RYK: variants seen among roughly 807,000 people sequenced by gnomAD.
RYK encodes the protein receptor like tyrosine kinase, also known as inactive tyrosine-protein kinase RYK.
Under a neutral mutation model 70.2 loss-of-function variants are expected in RYK, and 21 were observed. That is an observed-to-expected ratio of 0.30 (90% CI 0.21 to 0.43). The LOEUF (loss-of-function observed/expected upper bound fraction) is 0.43. RYK is among the 20% of genes least tolerant of loss of function. The pLI is 1.00. For synonymous variants in RYK, 267 were observed against 278.0 expected, an observed-to-expected ratio of 0.96 and a Z score of 0.39; for missense variants, 604 against 753.3, an observed-to-expected ratio of 0.80 and a Z score of 2.32.
chr3:134,206,339 A>AAACC (rs2014212116), intron 5 of RYK, among the ~76,000 whole-genome samples: 1 of 152,228 alleles, frequency 6.6e-6, no homozygotes, highest in Admixed American at 6.5e-5. Flanking sequence ...ACAAACAAAC[A>AAACC]AACATGTTCA....
chr3:134,183,021 G>T lies in RYK; in HGVS notation c.1153C>A (p.Leu385Met), dbSNP rs760303222. 1 of 1,589,370 alleles carries T rather than the reference G, an allele frequency of 6.3e-7. No individual in the cohort carries two copies. Among genetic ancestry groups the T allele is most frequent in the East Asian group, 2.3e-5 (1 of 44,228 alleles). Residue 385 changes from leucine (L) to methionine (M), a missense_variant, in exon 10 of 15, where the codon CTG becomes ATG. Leu to Met is a conservative substitution (Grantham distance 15). Transcript: ENST00000623711. ...VTMMLTESCK[L>M]RGLHHRNLLP... ...TCTCACCTGTGATGAAGACCTCGCA[G>T]CTTACAACTTTCAGTGAGCATCATT...
intron 2 of RYK, among the ~76,000 whole-genome samples, chr3:134,212,934 A>G (rs2014444521): frequency 6.6e-6 from 1 of 151,682 alleles, no homozygotes; most frequent in Non-Finnish European, 1.5e-5. Context: ...CAGTTAAGAT[A>G]GGTACGTAAA....
chr3:134,232,687 G>A (rs4505670), intron 1 of RYK, among the ~76,000 whole-genome samples: 12,590 of 152,130 alleles, frequency 0.083, 1,099 homozygotes, highest in South Asian at 0.32. Context: ...AGTTTGAAAA[G>A]GCTTGAAAGA....
intron 3 of RYK, 114 bp from the exon 4 acceptor site, chr3:134,209,943 AAAGT>A: frequency 1.2e-6 from 1 of 813,834 alleles, no homozygotes; most frequent in Non-Finnish European, 1.9e-6. Context: ...AAGAAAACTA[AAAGT>A]AATACATTTA....
intron 1 of RYK, among the ~76,000 whole-genome samples, chr3:134,238,221 A>G (rs1461851612): frequency 6.6e-6 from 1 of 152,220 alleles, no homozygotes; most frequent in Non-Finnish European, 1.5e-5. Flanking sequence ...ATAAGCATGT[A>G]AATCTTCAAT....
intron 1 of RYK, among the ~76,000 whole-genome samples, chr3:134,241,222 G>T (rs544141820): frequency 6.7e-6 from 1 of 149,416 alleles, no homozygotes; most frequent in Non-Finnish European, 1.5e-5. Flanking sequence ...GGTGGTGCAC[G>T]CCTGTAGTCC....
chr3:134,241,873 T>C (rs1314378288), intron 1 of RYK, among the ~76,000 whole-genome samples: 2 of 152,218 alleles, frequency 1.3e-5, no homozygotes, highest in African/African-American at 4.8e-5. Flanking sequence ...ACCGACTTCC[T>C]ATGGTTGATA....
intron 13 of RYK, among the ~76,000 whole-genome samples, chr3:134,164,575 G>A (rs1047969374): frequency 5.9e-5 from 9 of 152,198 alleles, no homozygotes; most frequent in African/African-American, 2.2e-4. Context: ...CTGTGATGTA[G>A]CATGTACCAA....
chr3:134,237,157 T>C (rs894514835), intron 1 of RYK, among the ~76,000 whole-genome samples: 8 of 152,220 alleles, frequency 5.3e-5, no homozygotes, highest in African/African-American at 1.9e-4. Context: ...TCAAGGTCTG[T>C]GATCCACATG....
At chr3:134,170,150 A>G (rs1336347307) in intron 13 of RYK, among the ~76,000 whole-genome samples, 1 of 152,188 alleles carries the variant, frequency 6.6e-6, no homozygotes, top group Non-Finnish European at 1.5e-5. Flanking sequence ...ATACATACAT[A>G]TGTGTGTGTG....
intron 1 of RYK, among the ~76,000 whole-genome samples, chr3:134,236,178 T>C (rs953222343): frequency 6.6e-6 from 1 of 151,902 alleles, no homozygotes; most frequent in African/African-American, 2.4e-5. Context: ...ACTCCAACAA[T>C]CCTAATGAGT....
intron 1 of RYK, among the ~76,000 whole-genome samples, chr3:134,226,652 A>G (rs187317834): frequency 8.7e-4 from 132 of 152,270 alleles, no homozygotes; most frequent in African/African-American, 2.9e-3. Flanking sequence ...ATCATGACCA[A>G]CTATATATGA....
chr3:134,199,268 A>G (rs1288887440), intron 6 of RYK, among the ~76,000 whole-genome samples: 1 of 152,206 alleles, frequency 6.6e-6, no homozygotes, highest in Non-Finnish European at 1.5e-5. Flanking sequence ...AAGTGCCTGG[A>G]ATGGAAGAAC....
chr3:134,173,494 T>C (rs1441181361), intron 13 of RYK, among the ~76,000 whole-genome samples: 1 of 152,090 alleles, frequency 6.6e-6, no homozygotes, highest in Non-Finnish European at 1.5e-5. Flanking sequence ...CCAGGAAACT[T>C]ACAATCATGA....
Position 134,157,562 on chromosome 3 carries a change from A to C in RYK, c.*591T>G, listed in dbSNP as rs1283557738. On this transcript the variant is annotated 3_prime_UTR_variant, in exon 15 of 15. Coordinates refer to ENST00000623711, the MANE Select transcript of RYK (RefSeq NM_002958.4). ...ATGCAAGGGCAGTTTGCTTCTAATA[A>C]GTATTTTTAAAAAAATTTTTTTTTC... is the stretch of plus-strand genomic sequence containing the variant. The C allele has an allele frequency of 1.3e-5, 2 of 152,240 alleles. No homozygotes were observed. The highest frequency in any genetic ancestry group is 1.5e-5 in the Non-Finnish European group (1 of 68,040). The allele number at this position is 152,240 out of a possible 1,614,324, so 9.4% of individuals were successfully genotyped here.
At chr3:134,196,077 T>C (rs1191988589) in intron 6 of RYK, among the ~76,000 whole-genome samples, 1 of 152,192 alleles carries the variant, frequency 6.6e-6, no homozygotes, top group Non-Finnish European at 1.5e-5. Flanking sequence ...CTACACCATA[T>C]TCTCTAAATA....
Position 134,188,832 on chromosome 3 carries a change from C to A in RYK, c.1102+5G>T, listed in dbSNP as rs199942923. 4.6e-6 allele frequency: 7 copies of A among 1,514,128 alleles called. No homozygotes were observed. The Admixed American group carries it at 1.3e-4, about 27-fold the overall frequency. The allele number at this position is 1,514,128 out of a possible 1,614,324, so 93.8% of individuals were successfully genotyped here. A position where few individuals can be genotyped will look rare whatever the true frequency, so the allele number is the denominator to read the frequency against. On this transcript the variant is annotated splice_donor_5th_base_variant and intron_variant, in intron 9 of 14. Coordinates refer to ENST00000623711, the MANE Select transcript of RYK (RefSeq NM_002958.4). ...CATGGAAATACTATGGAAAAAAGATCCTACCTTTAACTGTTTTGACAAATG... is the reference window on the plus strand; with the variant it reads ...CATGGAAATACTATGGAAAAAAGATACTACCTTTAACTGTTTTGACAAATG...
chr3:134,227,148 A>G (rs2014931211), intron 1 of RYK, among the ~76,000 whole-genome samples: 1 of 152,192 alleles, frequency 6.6e-6, no homozygotes, highest in Admixed American at 6.5e-5. Context: ...AGCAACAACT[A>G]GAAAATAAAA....
At chr3:134,170,148 ATATG>A (rs2012841263) in intron 13 of RYK, among the ~76,000 whole-genome samples, 1 of 152,220 alleles carries the variant, frequency 6.6e-6, no homozygotes, top group African/African-American at 2.4e-5. Flanking sequence ...ACATACATAC[ATATG>A]TGTGTGTGGG....
Sources: gnomAD v4.1 joint callset for allele counts (sites outside exome capture counted in the v4.1 genomes callset) on GRCh38, gnomAD v4.1.1 for gene constraint, MANE v1.5 for transcripts, NCBI Gene and HGNC (gene_info 2026-07-23, HGNC 2026-07-21) for gene names.